Variants in SAXO1 observed in about 807,000 individuals in gnomAD.
SAXO1 encodes the protein stabilizer of axonemal microtubules 1, also known as 4930500O09Rik.
SAXO1 carries 21 observed loss-of-function variants against 17.5 expected under a neutral mutation model. That is an observed-to-expected ratio of 1.20 (90% CI 0.85 to 1.72). The LOEUF is 1.72. Among genes scored for constraint, SAXO1 ranks in the 40% most tolerant of loss-of-function variants. The pLI, the probability that SAXO1 is intolerant of heterozygous loss-of-function variation, is 0.00. For synonymous variants in SAXO1, 274 were observed against 216.5 expected, an observed-to-expected ratio of 1.27 and a Z score of -2.33; for missense variants, 843 against 596.0, an observed-to-expected ratio of 1.41 and a Z score of -4.32.
chr9:18,986,984 A>G (rs1833619625), intron 1 of SAXO1, among the ~76,000 whole-genome samples: 1 of 152,234 alleles, frequency 6.6e-6, no homozygotes, highest in Non-Finnish European at 1.5e-5. Flanking sequence ...CCAGATAAAG[A>G]AATGATGGTT....
chr9:19,046,692 A>G (rs1836224632), intron 1 of SAXO1, among the ~76,000 whole-genome samples: 1 of 148,346 alleles, frequency 6.7e-6, no homozygotes, highest in African/African-American at 2.6e-5. Context: ...ACAAGAGCAA[A>G]ACTTCGTCTC....
At chr9:18,976,425 G>A (rs373575899) in intron 1 of SAXO1, among the ~76,000 whole-genome samples, 129 of 152,328 alleles carry the variant, frequency 8.5e-4, no homozygotes, top group African/African-American at 2.9e-3. Flanking sequence ...TGTGAGGGTA[G>A]CAGCTCATGT....
At chr9:19,020,644 C>G (rs1835190319) in intron 1 of SAXO1, among the ~76,000 whole-genome samples, 1 of 152,206 alleles carries the variant, frequency 6.6e-6, no homozygotes. Context: ...CAGGTGTGAG[C>G]CACTGGGCAT....
chr9:18,997,106 C>A (rs1005428210), intron 1 of SAXO1, among the ~76,000 whole-genome samples: 6 of 152,160 alleles, frequency 3.9e-5, no homozygotes, highest in Non-Finnish European at 8.8e-5. Context: ...ACAGTGGGTG[C>A]CGCCCACAGA....
At chr9:19,032,735 T>G in intron 1 of SAXO1, 136 bp downstream of exon 1, 1 of 912,170 alleles carries the variant, frequency 1.1e-6, no homozygotes, top group Non-Finnish European at 1.6e-6. Context: ...GTTGACACAA[T>G]TGTGGCTTAA....
chr9:18,961,396 T>G (rs1439344897), intron 1 of SAXO1, among the ~76,000 whole-genome samples: 1 of 152,194 alleles, frequency 6.6e-6, no homozygotes, highest in Non-Finnish European at 1.5e-5. Flanking sequence ...CGTGCAGGTT[T>G]GTTACATAGG....
At chr9:18,960,944 A>T (rs1178597120) in intron 1 of SAXO1, among the ~76,000 whole-genome samples, 2 of 152,098 alleles carry the variant, frequency 1.3e-5, no homozygotes, top group East Asian at 3.8e-4. Context: ...GGCATGCAGA[A>T]ATGTTCTGGA....
chr9:18,999,347 A>G (rs923150848), intron 1 of SAXO1, among the ~76,000 whole-genome samples: 3 of 152,070 alleles, frequency 2.0e-5, no homozygotes, highest in Admixed American at 2.0e-4. Context: ...CCGGCTGGCA[A>G]GTGACGAGTG....
chr9:19,048,936 G>A (rs1218780015), intron 1 of SAXO1, among the ~76,000 whole-genome samples: 7 of 152,254 alleles, frequency 4.6e-5, no homozygotes, highest in Non-Finnish European at 1.0e-4. Flanking sequence ...TTACCTAGCT[G>A]CGCAGCAACA....
intron 1 of SAXO1, among the ~76,000 whole-genome samples, chr9:19,001,318 A>G (rs1588509325): frequency 6.6e-6 from 1 of 152,210 alleles, no homozygotes; most frequent in Non-Finnish European, 1.5e-5. Context: ...ATGGAAACTG[A>G]ACAACCTGCT....
chr9:19,011,806 T>C (rs1433548091), intron 1 of SAXO1, among the ~76,000 whole-genome samples: 1 of 152,078 alleles, frequency 6.6e-6, no homozygotes, highest in Admixed American at 6.6e-5. Context: ...TCAAATTCCA[T>C]ATTCTTACTA....
intron 1 of SAXO1, among the ~76,000 whole-genome samples, chr9:18,963,762 T>G: frequency 6.6e-6 from 1 of 152,150 alleles, no homozygotes; most frequent in Non-Finnish European, 1.5e-5. Context: ...ACTTCCTCTC[T>G]CCTAATTGAA....
chr9:18,949,480 G>A (rs950511625), intron 2 of SAXO1, among the ~76,000 whole-genome samples: 1 of 151,942 alleles, frequency 6.6e-6, no homozygotes, highest in African/African-American at 2.4e-5. Context: ...TTTTTAAGTG[G>A]CCTGATTCAA....
chr9:18,944,641 G>C (rs990896344), intron 2 of SAXO1, among the ~76,000 whole-genome samples: 1 of 152,208 alleles, frequency 6.6e-6, no homozygotes, highest in Non-Finnish European at 1.5e-5. Context: ...AAGGCCAAGA[G>C]TTAAACTCAG....
chr9:18,928,187 G>T lies in SAXO1; in HGVS notation c.1290C>A (p.Tyr430Ter). The T allele has an allele frequency of 6.2e-7, 1 of 1,614,200 alleles. No individual in the cohort carries two copies. Among genetic ancestry groups the T allele is most frequent in the Non-Finnish European group, 8.5e-7 (1 of 1,180,044 alleles). ...CCAAAGCATCCACTTCCTCAAAGGT[G>T]TAGCCAGGAGGCTCAGGATATGAAG... is the stretch of plus-strand genomic sequence containing the variant. The part of the protein sequence containing the change: ...CLASYPEPPG[Y>*]TFEEVDALGH... The change falls in exon 4 of 4, where the codon TAC becomes TAA. Residue 430 changes from tyrosine to a stop codon, truncating the protein, a stop_gained. Transcript: ENST00000380534. LOFTEE classifies it low-confidence loss of function (END_TRUNC).
rs139096235 is a variant in SAXO1, at chr9:18,959,412, C to A, written c.39-8475G>T. 5.1e-4 allele frequency among the ~76,000 whole-genome samples: 78 copies of A among 152,260 alleles called. No individual in the cohort carries two copies. In the East Asian group the frequency reaches 0.013, roughly 26 times the overall value. On this transcript the variant is annotated intron_variant, in intron 1 of 3. Coordinates refer to ENST00000380534, the MANE Select transcript of SAXO1 (RefSeq NM_153707.4). The stretch of plus-strand genomic sequence containing the variant: ...ACAACTTGAGAGGGGAGAGAAGAAT[C>A]AGAGCCAGGTCTGCTGGCCTCGACC...
intron 3 of SAXO1, among the ~76,000 whole-genome samples, chr9:18,940,519 C>A (rs1831507905): frequency 6.6e-6 from 1 of 152,198 alleles, no homozygotes; most frequent in Non-Finnish European, 1.5e-5. Flanking sequence ...GAGCTCACAT[C>A]CCTCCAACCT....
intron 2 of SAXO1, chr9:18,947,866 C>CTGCACACA (rs1433637952): frequency 1.3e-5 from 2 of 152,188 alleles, no homozygotes; most frequent in Non-Finnish European, 2.9e-5. Context: ...ATAATCATGC[C>CTGCACACA]TCACGCTGGG....
intron 1 of SAXO1, among the ~76,000 whole-genome samples, chr9:19,011,458 T>A (rs1048590259): frequency 2.6e-5 from 4 of 152,314 alleles, no homozygotes; most frequent in Admixed American, 2.0e-4. Flanking sequence ...GATTGTCCCC[T>A]AAATTGAGCA....
Sources: allele counts gnomAD v4.1 joint callset (sites outside exome capture counted in the v4.1 genomes callset), GRCh38; gene constraint gnomAD v4.1.1; transcripts MANE v1.5; gene names NCBI Gene and HGNC (gene_info 2026-07-23, HGNC 2026-07-21).